CORIN: variants seen among roughly 807,000 people sequenced by gnomAD.
CORIN encodes corin, serine peptidase.
Under a neutral mutation model 125.3 loss-of-function variants are expected in CORIN, and 117 were observed. The observed-to-expected ratio is 0.93, with a 90% CI of 0.80 to 1.09. CORIN has a LOEUF of 1.09. Ranked by LOEUF, CORIN falls within the 50% of genes least tolerant of loss-of-function variation. The pLI is 0.00. For missense variants in CORIN, 1,253 were observed against 1,306.7 expected (o/e 0.96, Z 0.63); for synonymous variants, 450 against 466.4 (o/e 0.96, Z 0.45).
rs201830761 is a variant in CORIN, at chr4:47,603,588, A to G, written c.2621T>C (p.Phe874Ser). The G allele has an allele frequency of 6.2e-7, 1 of 1,614,168 alleles. No individual in the cohort carries two copies. The highest frequency in any genetic ancestry group is 8.5e-7 in the Non-Finnish European group (1 of 1,180,016). ...DHPSVFMQTR[F>S]VKTIILHPRY... ...GGGATGCAGGATGATGGTCTTCACA[A>G]AGCGTGTCTGCATGAACACTGATGG... The change falls in exon 20 of 22, where the codon TTT becomes TCT. Residue 874 changes from phenylalanine to serine, a missense_variant. By Grantham distance (155) the Phe-to-Ser change is radical. Coordinates refer to ENST00000273857, the MANE Select transcript of CORIN (RefSeq NM_006587.4).
intron 5 of CORIN, among the ~76,000 whole-genome samples, chr4:47,699,695 T>C (rs536767407): frequency 6.6e-6 from 1 of 152,354 alleles, no homozygotes; most frequent in East Asian, 1.9e-4. Context: ...TCAATGGCAA[T>C]GAATATCTTA....
At chr4:47,729,105 T>C (rs1727736428) in intron 5 of CORIN, among the ~76,000 whole-genome samples, 1 of 152,148 alleles carries the variant, frequency 6.6e-6, no homozygotes, top group Non-Finnish European at 1.5e-5. Flanking sequence ...CCTGGGTATG[T>C]GGCATAGCAA....
At chr4:47,732,228 G>A (rs1275956346) in intron 5 of CORIN, among the ~76,000 whole-genome samples, 1 of 152,168 alleles carries the variant, frequency 6.6e-6, no homozygotes, top group Admixed American at 6.5e-5. Context: ...GGTGGCCAGG[G>A]CAGTGACAGG....
rs200466213 is a variant in CORIN at position 47,788,865 on chromosome 4, A to ACT, written c.209-1941_209-1940insAG. ...ATTGTTCACGGTTGTACCCTGGAGT[A>ACT]ATTCCCTTAAAATTAGTTCCTTCTC... On this transcript the variant is annotated intron_variant, in intron 2 of 21. Transcript: ENST00000273857. 7.2e-3 allele frequency among the ~76,000 whole-genome samples: 1,096 copies of ACT among 152,336 alleles called. 11 individuals are homozygous for ACT. Among genetic ancestry groups the ACT allele is most frequent in the Non-Finnish European group, 0.011 (782 of 68,028 alleles).
At chr4:47,809,820 C>A (rs565318776) in intron 1 of CORIN, among the ~76,000 whole-genome samples, 1 of 152,308 alleles carries the variant, frequency 6.6e-6, no homozygotes, top group Non-Finnish European at 1.5e-5. Flanking sequence ...GCACTCATGG[C>A]CACTTAGGAC....
intron 2 of CORIN, among the ~76,000 whole-genome samples, chr4:47,793,422 A>G (rs1172120701): frequency 6.6e-6 from 1 of 152,204 alleles, no homozygotes; most frequent in African/African-American, 2.4e-5. Context: ...CATTTAATGG[A>G]CAGTTAAAGA....
intron 3 of CORIN, among the ~76,000 whole-genome samples, chr4:47,769,970 A>G (rs28817328): frequency 0.053 from 8,042 of 152,150 alleles, 641 homozygotes; most frequent in African/African-American, 0.18. Context: ...TTTTTTGAAT[A>G]TGATCCCAAA....
At chr4:47,643,111 G>A in intron 15 of CORIN, 35 bp downstream of exon 15, 1 of 1,613,944 alleles carries the variant, frequency 6.2e-7, no homozygotes, top group African/African-American at 1.3e-5. Flanking sequence ...ACAGGCATGA[G>A]AGAGTACAAC....
chr4:47,687,862 T>C (rs956911846), intron 6 of CORIN, among the ~76,000 whole-genome samples: 1 of 152,222 alleles, frequency 6.6e-6, no homozygotes, highest in African/African-American at 2.4e-5. Flanking sequence ...TTCTTGACTC[T>C]CTGAGTTCTT....
intron 5 of CORIN, among the ~76,000 whole-genome samples, chr4:47,704,744 C>A (rs750324251): frequency 2.0e-5 from 3 of 152,134 alleles, no homozygotes; most frequent in Non-Finnish European, 4.4e-5. Flanking sequence ...ATATGCTTAA[C>A]CCCGAGAGGT....
chr4:47,807,111 G>C, intron 1 of CORIN, 64 bp from the exon 2 acceptor site: 3 of 1,351,702 alleles, frequency 2.2e-6, no homozygotes, highest in Non-Finnish European at 3.1e-6. Context: ...GAAATTTTAG[G>C]TTACAGCTAT....
chr4:47,764,983 A>G (rs1474938210), intron 3 of CORIN, among the ~76,000 whole-genome samples: 1 of 152,140 alleles, frequency 6.6e-6, no homozygotes, highest in Non-Finnish European at 1.5e-5. Context: ...GAAACCACTG[A>G]ATATTAAGAG....
chr4:47,833,145 T>C (rs1733143798), intron 1 of CORIN, among the ~76,000 whole-genome samples: 1 of 150,920 alleles, frequency 6.6e-6, no homozygotes, highest in African/African-American at 2.4e-5. Context: ...AGAGGTATCA[T>C]ACGTCATGAT....
chr4:47,719,713 A>C (rs1727259807), intron 5 of CORIN, among the ~76,000 whole-genome samples: 9 of 152,198 alleles, frequency 5.9e-5, no homozygotes, highest in Admixed American at 5.9e-4. Flanking sequence ...TATACTCAGC[A>C]AGGGGTCTTC....
intron 19 of CORIN, among the ~76,000 whole-genome samples, chr4:47,604,427 T>A (rs1721567855): frequency 1.3e-5 from 2 of 152,204 alleles, no homozygotes; most frequent in Non-Finnish European, 2.9e-5. Context: ...CCCAAATGTA[T>A]ATCTCCAGCT....
chr4:47,623,096 C>CTCTCTCTCTCTCTATATATA (rs771867590), intron 19 of CORIN, among the ~76,000 whole-genome samples: 12 of 102,298 alleles, frequency 1.2e-4, no homozygotes, highest in African/African-American at 4.3e-4. Context: ...CTCTCTCTCT[C>CTCTCTCTCTCTCTATATATA]TATATATATA....
intron 5 of CORIN, among the ~76,000 whole-genome samples, chr4:47,715,256 C>CT (rs2109785173): frequency 6.6e-6 from 1 of 152,296 alleles, no homozygotes; most frequent in South Asian, 2.1e-4. Context: ...CCAAGTAGTA[C>CT]TTTTACATTA....
intron 7 of CORIN, chr4:47,681,415 T>C (rs1040624901): frequency 5.3e-5 from 8 of 152,370 alleles, no homozygotes; most frequent in African/African-American, 1.9e-4. Context: ...AACTTCATGA[T>C]AGCCTGCTAT....
chr4:47,787,044 A>G (rs761889484), intron 2 of CORIN, 119 bp from the exon 3 acceptor site: 7 of 725,480 alleles, frequency 9.6e-6, no homozygotes, highest in Non-Finnish European at 1.6e-5. Flanking sequence ...CTAACCAGGT[A>G]AACACAAAGA....
Sources: allele counts gnomAD v4.1 joint callset (sites outside exome capture counted in the v4.1 genomes callset), GRCh38; gene constraint gnomAD v4.1.1; transcripts MANE v1.5; gene names NCBI Gene and HGNC (gene_info 2026-07-23, HGNC 2026-07-21).